The following SP100 variants were observed in gnomAD, a reference collection of about 807,000 sequenced individuals.
SP100 encodes the protein nuclear autoantigen Sp-100.
Under a neutral mutation model 130.0 loss-of-function variants are expected in SP100, and 84 were observed. That is an observed-to-expected ratio of 0.65 (90% confidence interval 0.54 to 0.77). SP100 has a LOEUF of 0.77. Among genes scored for constraint, SP100 ranks in the 30% least tolerant of loss-of-function variants. The pLI, the probability that SP100 is intolerant of heterozygous loss-of-function variation, is 0.00. For synonymous variants in SP100, 331 were observed against 351.7 expected, an observed-to-expected ratio of 0.94 and a Z score of 0.66; for missense variants, 978 against 1,052.2, an observed-to-expected ratio of 0.93 and a Z score of 0.97.
At chr2:230,422,775 G>T (rs547053377) in intron 2 of SP100, among the ~76,000 whole-genome samples, 51 of 152,246 alleles carry the variant, frequency 3.3e-4, no homozygotes, top group African/African-American at 1.2e-3. Context: ...TGCATAGATT[G>T]GTTCTCTAAT....
rs188218468 is a variant in SP100 at position 230,489,288 on chromosome 2, G to A, written c.1601-5128G>A. On this transcript the variant is annotated intron_variant, in intron 17 of 28. Transcript: ENST00000340126. ...TCCAGGAATTTATCCATTTCTTCTA[G>A]ATTTTCTAGTTTATTTGTGTAGAGG... Among the ~76,000 whole-genome samples the A allele has an allele frequency of 1.5e-3, 228 of 152,230 alleles. 2 individuals are homozygous for A. Among genetic ancestry groups the A allele is most frequent in the African/African-American group, 5.1e-3 (213 of 41,536 alleles).
At chr2:230,473,203 C>A in intron 15 of SP100, 121 bp from the exon 16 acceptor site, 1 of 610,470 alleles carries the variant, frequency 1.6e-6, no homozygotes, top group East Asian at 2.7e-5. Context: ...AAAGAGATTT[C>A]AGATGTAGAG....
chr2:230,455,149 G>A (rs984485080), intron 8 of SP100, among the ~76,000 whole-genome samples: 16 of 151,876 alleles, frequency 1.1e-4, no homozygotes, highest in East Asian at 3.9e-4. Flanking sequence ...ATCATGGCTC[G>A]CTGCAGCCTC....
chr2:230,443,213 G>C, intron 3 of SP100, 114 bp downstream of exon 3: 1 of 957,960 alleles, frequency 1.0e-6, no homozygotes, highest in Non-Finnish European at 1.6e-6. Context: ...GGTCTCCTAT[G>C]AGTGGGGAAC....
rs780714462 is a variant in SP100, at chr2:230,449,602, G to A, written c.628G>A (p.Glu210Lys). ...AAATGGACTCTCAGAGCACCCCTGT[G>A]AAACAGAACAGATAAATGCAAAGAG... ...PENGLSEHPC[E>K]TEQINAKRKD... The change falls in exon 7 of 29, where the codon GAA becomes AAA. Residue 210 changes from glutamate to lysine, a missense_variant. By Grantham distance (56) the Glu-to-Lys change is moderately conservative. Transcript: ENST00000340126. The A allele has an allele frequency of 6.2e-7, 1 of 1,614,138 alleles. No homozygotes were observed. Among genetic ancestry groups the A allele is most frequent in the South Asian group, 1.1e-5 (1 of 91,086 alleles).
At chr2:230,515,163 G>A (rs1345091811) in intron 24 of SP100, 6 of 1,613,468 alleles carry the variant, frequency 3.7e-6, no homozygotes, top group Non-Finnish European at 5.1e-6. Context: ...AGTGCTCAGA[G>A]ACATGGAAGA....
At chr2:230,538,176 G>C (rs699662) in intron 24 of SP100, 24,263 of 152,228 alleles carry the variant, frequency 0.16, 2,422 homozygotes, top group Non-Finnish European at 0.22. Flanking sequence ...TTCTACTGTA[G>C]AGCAAGTTGA....
At chr2:230,537,561 C>G (rs945741132) in intron 24 of SP100, 1 of 152,224 alleles carries the variant, frequency 6.6e-6, no homozygotes, top group South Asian at 2.1e-4. Context: ...AAGTCCTCAC[C>G]CCTTTTCAAA....
chr2:230,515,593 G>T, intron 24 of SP100: 2 of 1,602,980 alleles, frequency 1.2e-6, no homozygotes, highest in Non-Finnish European at 1.7e-6. Flanking sequence ...GGAAGAAGAT[G>T]AAGAGGATGA....
In SP100 at chr2:230,461,494, C is replaced by T. The variant is rs552902374; in HGVS notation, c.973+80C>T. The T allele has an allele frequency of 7.5e-5, 106 of 1,422,052 alleles. No homozygotes were observed. The African/African-American group carries it at 1.2e-3, about 16-fold the overall frequency. The allele number at this position is 1,422,052 out of a possible 1,614,324, so 88.1% of individuals were successfully genotyped here. ...GCTCAGGGACTTCATCACGGACCATCGGGGCAGTGCAGGTAGCCTGGGATG... is the reference window on the plus strand; with the variant it reads ...GCTCAGGGACTTCATCACGGACCATTGGGGCAGTGCAGGTAGCCTGGGATG... On this transcript the variant is annotated intron_variant, in intron 9 of 28. Coordinates refer to ENST00000340126, the MANE Select transcript of SP100 (RefSeq NM_001080391.2).
chr2:230,508,653 A>G (rs2150077340), intron 23 of SP100: 1 of 152,250 alleles, frequency 6.6e-6, no homozygotes, highest in South Asian at 2.1e-4. Context: ...TAGAGCTGGC[A>G]TTGGAAAAAT....
At chr2:230,487,454 TC>T (rs1386717731) in intron 17 of SP100, among the ~76,000 whole-genome samples, 2 of 152,236 alleles carry the variant, frequency 1.3e-5, no homozygotes, top group Admixed American at 1.3e-4. Context: ...CTTGTCTTTG[TC>T]AGGTTTGTCA....
At chr2:230,488,173 T>TA (rs1467972948) in intron 17 of SP100, among the ~76,000 whole-genome samples, 1 of 152,212 alleles carries the variant, frequency 6.6e-6, no homozygotes, top group Non-Finnish European at 1.5e-5. Flanking sequence ...TGAATAGTCT[T>TA]TATTTCTTTC....
chr2:230,510,017 T>C (rs973131708), intron 23 of SP100: 2 of 152,612 alleles, frequency 1.3e-5, no homozygotes, highest in African/African-American at 4.8e-5. Flanking sequence ...GAATAACTCA[T>C]GGGATGGAGT....
intron 24 of SP100, among the ~76,000 whole-genome samples, chr2:230,525,845 G>A (rs1208082073): frequency 6.6e-6 from 1 of 152,066 alleles, no homozygotes; most frequent in Non-Finnish European, 1.5e-5. Flanking sequence ...GGTGGGGGGA[G>A]GGGCACCCAC....
chr2:230,523,671 GGC>G (rs1691279423), intron 24 of SP100, among the ~76,000 whole-genome samples: 1 of 152,080 alleles, frequency 6.6e-6, no homozygotes. Flanking sequence ...CACTTTGCGG[GGC>G]CAAGGCAGGC....
In SP100 at chr2:230,446,773, G is replaced by A. The variant is rs531076237; in HGVS notation, c.440-46G>A. The A allele has an allele frequency of 1.2e-4, 141 of 1,194,826 alleles. 2 individuals carry two copies. In the South Asian group the frequency reaches 1.6e-3, roughly 14 times the overall value. The allele number at this position is 1,194,826 out of a possible 1,614,324, so 74.0% of individuals were successfully genotyped here. A position where few individuals can be genotyped will look rare whatever the true frequency, so the allele number is the denominator to read the frequency against. On this transcript the variant is annotated intron_variant, in intron 4 of 28. Coordinates refer to ENST00000340126, the MANE Select transcript of SP100 (RefSeq NM_001080391.2). ...AGCATGATTTCCAGACATTGTCCCT[G>A]GTCCCTGTAGATCTCTAATTGCTTC...
intron 27 of SP100, 70 bp from the exon 28 acceptor site, chr2:230,541,822 C>A: frequency 2.0e-6 from 3 of 1,531,592 alleles, no homozygotes; most frequent in South Asian, 1.2e-5. Context: ...ACTCCACAAA[C>A]CTTTATTCCA....
rs1450702486 is a variant in SP100, at chr2:230,539,288, G to A, written c.2116G>A (p.Glu706Lys). 1.1e-5 allele frequency: 18 copies of A among 1,613,644 alleles called. No homozygotes were observed. Among genetic ancestry groups the A allele is most frequent in the Non-Finnish European group, 1.4e-5 (17 of 1,179,700 alleles). The change falls in exon 25 of 29, where the codon GAG becomes AAG. Residue 706 changes from glutamate to lysine, a missense_variant. By Grantham distance (56) the Glu-to-Lys change is moderately conservative (BLOSUM62 1). Coordinates refer to ENST00000340126, the MANE Select transcript of SP100 (RefSeq NM_001080391.2). ...DPCPENSNIC[E>K]VCNKWGRLFC... Reference sequence around the variant, plus strand: ...CTAGCCGGAAAACTCAAATATATGTGAGGTGTGCAACAAATGGGGACGGCT... The same window carrying A: ...CTAGCCGGAAAACTCAAATATATGTAAGGTGTGCAACAAATGGGGACGGCT...
Sources: gnomAD v4.1 joint callset for allele counts (sites outside exome capture counted in the v4.1 genomes callset) on GRCh38, gnomAD v4.1.1 for gene constraint, MANE v1.5 for transcripts, NCBI Gene and HGNC (gene_info 2026-07-23, HGNC 2026-07-21) for gene names.